Variants in ALPK3 observed in about 807,000 individuals in gnomAD.
ALPK3 encodes alpha kinase 3, also known as alpha-protein kinase 3.
ALPK3 carries 102 observed loss-of-function variants against 140.0 expected under a neutral mutation model. The ratio of observed to expected loss-of-function variants is 0.73; its 90% CI spans 0.62 to 0.86. The LOEUF (loss-of-function observed/expected upper bound fraction) is 0.86, where lower values mean the gene tolerates loss of function less well. Ranked by LOEUF, ALPK3 falls within the 40% of genes least tolerant of loss-of-function variation. The pLI, the probability that ALPK3 is intolerant of heterozygous loss-of-function variation, is 0.00. For missense variants in ALPK3, 2,254 were observed against 2,208.2 expected, an observed-to-expected ratio of 1.02 and a Z score of -0.42; for synonymous variants, 938 against 898.5, an observed-to-expected ratio of 1.04 and a Z score of -0.79.
intron 3 of ALPK3, among the ~76,000 whole-genome samples, chr15:84,833,015 C>G (rs767200689): frequency 6.6e-6 from 1 of 152,164 alleles, no homozygotes; most frequent in Non-Finnish European, 1.5e-5. Context: ...GTAAGCTGTT[C>G]CCTGTTTCAA....
In ALPK3 at chr15:84,868,348, T is replaced by A; in HGVS notation, c.5010T>A (p.Ser1670Arg). The A allele has an allele frequency of 6.2e-7, 1 of 1,613,428 alleles. No individual in the cohort carries two copies. Residue 1670 changes from serine to arginine, a missense_variant, in exon 14 of 14, where the codon AGT becomes AGA. Coordinates refer to ENST00000258888, the MANE Select transcript of ALPK3 (RefSeq NM_020778.5). Reference protein sequence around the residue: ...GLPSPQGTRKSAPSSKATPQA... With the variant: ...GLPSPQGTRKRAPSSKATPQA... ...CTAGTCCTCAGGGCACCCGGAAGAG[T>A]GCTCCAAGTTCCAAGGCCACCCCTC... is the stretch of plus-strand genomic sequence containing the variant.
At chr15:84,826,548 T>C (rs1963491364) in intron 2 of ALPK3, among the ~76,000 whole-genome samples, 1 of 152,170 alleles carries the variant, frequency 6.6e-6, no homozygotes, top group South Asian at 2.1e-4. Flanking sequence ...GTGTCTCTGC[T>C]GGCCCTTGAA....
In ALPK3 at chr15:84,840,532, T is replaced by C. The variant is rs1963650020; in HGVS notation, c.1253T>C (p.Met418Thr). 2 of 1,607,470 alleles carry C rather than the reference T, an allele frequency of 1.2e-6. No individual in the cohort carries two copies. The highest frequency in any genetic ancestry group is 1.3e-5 in the African/African-American group (1 of 74,764). ...GAAGTGTATTTCTCCTTGAAGGACA[T>C]GTACCTGGAGAACACCCAGGCAGTC... ...GQEVYFSLKD[M>T]YLENTQAVRP... Residue 418 changes from methionine (M) to threonine (T), a missense_variant, in exon 5 of 14, where the codon ATG becomes ACG. By Grantham distance (81) the Met-to-Thr change is moderately conservative. Around this residue, in one of 3 missense-constraint regions of ALPK3, gnomAD observed 2,088 missense variants for 2,022.9 expected, o/e 1.03. Transcript: ENST00000258888.
At chr15:84,831,660 AT>A (rs2141551466) in intron 3 of ALPK3, among the ~76,000 whole-genome samples, 1 of 152,008 alleles carries the variant, frequency 6.6e-6, no homozygotes, top group South Asian at 2.1e-4. Flanking sequence ...GTTTAATTTA[AT>A]TTTGTCATTA....
At chr15:84,817,791 C>A (rs1444086435) in intron 1 of ALPK3, among the ~76,000 whole-genome samples, 196 bp downstream of exon 1, 9 of 152,180 alleles carry the variant, frequency 5.9e-5, no homozygotes, top group Non-Finnish European at 1.0e-4. Flanking sequence ...CTGATCCATG[C>A]GCCTCAGGCC....
chr15:84,839,639 G>C lies in ALPK3; in HGVS notation c.423-63G>C, dbSNP rs904951300. The stretch of plus-strand genomic sequence containing the variant: ...GCCCGGCTCTGAACGGCTCTGGCTG[G>C]GGGGTGTGGGGGCTCTCACCTCCCA... On this transcript the variant is annotated intron_variant, in intron 4 of 13. Coordinates refer to ENST00000258888, the MANE Select transcript of ALPK3 (RefSeq NM_020778.5). The C allele has an allele frequency of 2.6e-6, 4 of 1,524,574 alleles. No individual in the cohort carries two copies. In the African/African-American group the frequency reaches 4.1e-5, roughly 16 times the overall value. The allele number at this position is 1,524,574 out of a possible 1,614,324, so 94.4% of individuals were successfully genotyped here.
At chr15:84,851,279 A>C (rs1319148701) in intron 5 of ALPK3, among the ~76,000 whole-genome samples, 1 of 152,098 alleles carries the variant, frequency 6.6e-6, no homozygotes, top group Non-Finnish European at 1.5e-5. Context: ...AAAGTACATA[A>C]AAGAGTTACT....
Position 84,839,880 on chromosome 15 carries a change from A to C in ALPK3, c.601A>C (p.Lys201Gln), listed in dbSNP as rs774587399. Residue 201 changes from lysine (K) to glutamine (Q), a missense_variant, in exon 5 of 14, where the codon AAG becomes CAG. Coordinates refer to ENST00000258888, the MANE Select transcript of ALPK3 (RefSeq NM_020778.5). Reference sequence around the variant, plus strand: ...GCTGCGCGAGATCGAGCAGAGCTGGAAGCACGAGAAGGCGGTGCCTGGGGA... The same window carrying C: ...GCTGCGCGAGATCGAGCAGAGCTGGCAGCACGAGAAGGCGGTGCCTGGGGA... ...AKLREIEQSWKHEKAVPGEVD... is the reference protein window; with the variant it reads ...AKLREIEQSWQHEKAVPGEVD... The C allele has an allele frequency of 6.2e-7, 1 of 1,613,974 alleles. No individual in the cohort carries two copies. The highest frequency in any genetic ancestry group is 1.1e-5 in the South Asian group (1 of 91,080).
At chr15:84,842,559 C>G (rs1444358349) in intron 5 of ALPK3, among the ~76,000 whole-genome samples, 1 of 151,896 alleles carries the variant, frequency 6.6e-6, no homozygotes, top group Admixed American at 6.6e-5. Flanking sequence ...TGATACAGCA[C>G]CTGGCAGAGG....
chr15:84,817,508 CG>C lies in ALPK3; in HGVS notation c.62del (p.Gly21AlafsTer88), dbSNP rs1250475254. ...RGWGAGGRSG[A>X]GGDGEDDGPV... ...TGGGGCGCGGGTGGGCGGTCGGGGGCGGGGGGCGACGGTGAGGACGACGGCC... is the reference window on the plus strand; with the variant it reads ...TGGGGCGCGGGTGGGCGGTCGGGGGCGGGGGCGACGGTGAGGACGACGGCC... On this transcript the variant is annotated frameshift_variant, in exon 1 of 14. Coordinates refer to ENST00000258888, the MANE Select transcript of ALPK3 (RefSeq NM_020778.5). LOFTEE classifies it high-confidence loss of function. 1.3e-4 allele frequency: 93 copies of C among 702,642 alleles called. No individual in the cohort carries two copies. The highest frequency in any genetic ancestry group is 2.1e-4 in the Non-Finnish European group (93 of 445,286). The allele number at this position is 702,642 out of a possible 1,614,324, so 43.5% of individuals were successfully genotyped here. A position where few individuals can be genotyped will look rare whatever the true frequency, so the allele number is the denominator to read the frequency against.
intron 9 of ALPK3, among the ~76,000 whole-genome samples, chr15:84,862,323 C>T (rs1963955692): frequency 1.3e-5 from 2 of 152,164 alleles, no homozygotes; most frequent in South Asian, 2.1e-4. Flanking sequence ...CAGAAAACCC[C>T]TGCCTTCCAC....
At chr15:84,866,905 G>A (rs1025124541) in intron 12 of ALPK3, among the ~76,000 whole-genome samples, 2 of 152,176 alleles carry the variant, frequency 1.3e-5, no homozygotes, top group African/African-American at 4.8e-5. Context: ...TGCATAGCTG[G>A]AAGAGTTTTG....
chr15:84,834,541 C>T (rs73437942), intron 3 of ALPK3, among the ~76,000 whole-genome samples: 9,744 of 152,298 alleles, frequency 0.064, 384 homozygotes, highest in African/African-American at 0.089. Context: ...ATCATTTGCA[C>T]AGGAGTGTTC....
chr15:84,852,253 G>T (rs1359326402), intron 5 of ALPK3, among the ~76,000 whole-genome samples: 1 of 152,156 alleles, frequency 6.6e-6, no homozygotes, highest in South Asian at 2.1e-4. Flanking sequence ...CAAGCCCTGA[G>T]ATACCAGGAC....
chr15:84,867,628 A>T (rs914688693), intron 13 of ALPK3, among the ~76,000 whole-genome samples: 4 of 152,048 alleles, frequency 2.6e-5, no homozygotes, highest in African/African-American at 9.7e-5. Flanking sequence ...TCGCTTGAGG[A>T]TGGTTGCCAA....
At position 84,827,469 on chromosome 15, in the gene ALPK3, C is replaced by T. The variant is rs771905053; in HGVS notation, c.183-15C>T. On this transcript the variant is annotated splice_polypyrimidine_tract_variant and intron_variant, in intron 2 of 13. Transcript: ENST00000258888. ...TGGGGAAGGCCAGCTCTGAATAGCT[C>T]TTTGCCTCTCTTAGGAGCACCTTCT... is the stretch of plus-strand genomic sequence containing the variant. 5.0e-6 allele frequency: 8 copies of T among 1,613,956 alleles called. No individual in the cohort carries two copies. The South Asian group carries it at 8.8e-5, about 18-fold the overall frequency.
Position 84,840,917 on chromosome 15 carries a change from C to G in ALPK3, c.1638C>G (p.His546Gln), listed in dbSNP as rs1288440511. The G allele has an allele frequency of 6.3e-7, 1 of 1,598,840 alleles. No individual in the cohort carries two copies. The highest frequency in any genetic ancestry group is 1.1e-5 in the South Asian group (1 of 89,000). The change falls in exon 5 of 14, where the codon CAC becomes CAG. Residue 546 changes from histidine (H) to glutamine (Q), a missense_variant. Coordinates refer to ENST00000258888, the MANE Select transcript of ALPK3 (RefSeq NM_020778.5). ...GCACGTTGCAGGGGCAAGCAGGCCACAGGACTCCAGGAGAGGTAAGTGTGG... is the reference window on the plus strand; with the variant it reads ...GCACGTTGCAGGGGCAAGCAGGCCAGAGGACTCCAGGAGAGGTAAGTGTGG... The part of the protein sequence containing the change: ...RDSTLQGQAG[H>Q]RTPGEVLECQ...
chr15:84,839,078 C>A lies in ALPK3; in HGVS notation c.403C>A (p.His135Asn). 6.2e-7 allele frequency: 1 copy of A among 1,609,450 alleles called. No homozygotes were observed. Among genetic ancestry groups the A allele is most frequent in the South Asian group, 1.1e-5 (1 of 90,176 alleles). Residue 135 changes from histidine (H) to asparagine (N), a missense_variant, in exon 4 of 14, where the codon CAC (histidine) becomes AAC (asparagine). His to Asn is a moderately conservative substitution (Grantham distance 68). Transcript: ENST00000258888. ...KYEITHQGNR[H>N]TLQLYRCREE... The stretch of plus-strand genomic sequence containing the variant: ...TGAGATCACTCATCAGGGCAACCGC[C>A]ACACACTGCAGCTGTACAGGTGAGG...
chr15:84,825,321 C>A (rs971851728), intron 2 of ALPK3, among the ~76,000 whole-genome samples: 1 of 151,892 alleles, frequency 6.6e-6, no homozygotes, highest in Admixed American at 6.6e-5. Context: ...GGACTACAGG[C>A]GCCTGCCACC....
Sources: allele counts gnomAD v4.1 joint callset (sites outside exome capture counted in the v4.1 genomes callset), GRCh38; gene constraint gnomAD v4.1.1; regional missense constraint gnomAD v4.1.1; transcripts MANE v1.5; gene names NCBI Gene and HGNC (gene_info 2026-07-23, HGNC 2026-07-21).